Variants in UBE3D observed in about 807,000 individuals in gnomAD.
The protein encoded by UBE3D is E3 ubiquitin-protein ligase E3D.
UBE3D carries 48 observed loss-of-function variants against 49.6 expected under a neutral mutation model. That is an observed-to-expected ratio of 0.97 (90% CI 0.77 to 1.23). The LOEUF (loss-of-function observed/expected upper bound fraction) is 1.23, where lower values mean the gene tolerates loss of function less well. Ranked by LOEUF, UBE3D falls within the 50% of genes most tolerant of loss-of-function variation. UBE3D has a pLI of 0.00. For missense variants in UBE3D, 452 were observed against 468.4 expected, an observed-to-expected ratio of 0.96 and a Z score of 0.32; for synonymous variants, 189 against 174.2, an observed-to-expected ratio of 1.08 and a Z score of -0.67.
intron 2 of UBE3D, among the ~76,000 whole-genome samples, chr6:83,057,237 T>C (rs1783871982): frequency 6.6e-6 from 1 of 152,202 alleles, no homozygotes; most frequent in Admixed American, 6.5e-5. Flanking sequence ...TCACTGATCA[T>C]CCTTCAGCCA....
intron 9 of UBE3D, among the ~76,000 whole-genome samples, chr6:82,931,150 C>T (rs186065153): frequency 3.3e-5 from 5 of 152,356 alleles, no homozygotes; most frequent in Admixed American, 2.0e-4. Context: ...GTGGCTTACA[C>T]ATGGTGTTAG....
At chr6:83,035,558 T>C (rs1360927499) in intron 5 of UBE3D, among the ~76,000 whole-genome samples, 1 of 151,298 alleles carries the variant, frequency 6.6e-6, no homozygotes, top group African/African-American at 2.4e-5. Context: ...CTTTCAGCTC[T>C]GCTGTTAAGA....
chr6:82,908,285 C>T (rs888376932), intron 9 of UBE3D, among the ~76,000 whole-genome samples: 1 of 152,092 alleles, frequency 6.6e-6, no homozygotes, highest in Non-Finnish European at 1.5e-5. Context: ...ATTAGTGGTT[C>T]TCAACCAGGG....
At chr6:82,974,521 G>A (rs1248073350) in intron 8 of UBE3D, among the ~76,000 whole-genome samples, 1 of 152,030 alleles carries the variant, frequency 6.6e-6, no homozygotes, top group Non-Finnish European at 1.5e-5. Flanking sequence ...TTGTTACACT[G>A]TATTTTTAAA....
chr6:83,003,413 T>A (rs764977512), intron 8 of UBE3D, among the ~76,000 whole-genome samples: 2 of 152,226 alleles, frequency 1.3e-5, no homozygotes, highest in African/African-American at 4.8e-5. Flanking sequence ...CTGACTTTTA[T>A]TATACGTCTT....
At chr6:82,908,267 G>C (rs2127723427) in intron 9 of UBE3D, among the ~76,000 whole-genome samples, 1 of 152,252 alleles carries the variant, frequency 6.6e-6, no homozygotes, top group Non-Finnish European at 1.5e-5. Context: ...ATGGTTACAT[G>C]GGTGTGTATT....
chr6:82,917,925 C>G (rs1562081655), intron 9 of UBE3D, among the ~76,000 whole-genome samples: 1 of 152,174 alleles, frequency 6.6e-6, no homozygotes, highest in Non-Finnish European at 1.5e-5. Flanking sequence ...TAGCTGTTTT[C>G]CAGCCGGACC....
At chr6:82,991,987 C>T (rs1019193597) in intron 8 of UBE3D, among the ~76,000 whole-genome samples, 5 of 149,162 alleles carry the variant, frequency 3.4e-5, no homozygotes, top group African/African-American at 1.2e-4. Context: ...TTAAGATCTT[C>T]ATGTAAAACA....
chr6:82,976,524 C>T (rs12196697), intron 8 of UBE3D, among the ~76,000 whole-genome samples: 15,264 of 152,126 alleles, frequency 0.1, 875 homozygotes, highest in Non-Finnish European at 0.13. Context: ...CATCTCCCAA[C>T]CTGTTTAAGT....
chr6:82,952,679 C>G (rs574096316), intron 9 of UBE3D, among the ~76,000 whole-genome samples: 1 of 152,146 alleles, frequency 6.6e-6, no homozygotes, highest in South Asian at 2.1e-4. Context: ...CTGCTTCAGC[C>G]CCCAAAGTGC....
At chr6:82,943,264 T>A (rs890772768) in intron 9 of UBE3D, among the ~76,000 whole-genome samples, 36 of 152,204 alleles carry the variant, frequency 2.4e-4, no homozygotes, top group Admixed American at 2.2e-3. Context: ...TGCTTTTTTT[T>A]AGAATACCCT....
intron 9 of UBE3D, among the ~76,000 whole-genome samples, chr6:82,944,543 T>C (rs1263795206): frequency 6.6e-6 from 1 of 152,210 alleles, no homozygotes; most frequent in East Asian, 1.9e-4. Flanking sequence ...GAAGCTGTGA[T>C]GGCTATGGTG....
chr6:83,047,564 A>C (rs1014664714), intron 3 of UBE3D, among the ~76,000 whole-genome samples: 2 of 152,182 alleles, frequency 1.3e-5, no homozygotes, highest in African/African-American at 4.8e-5. Flanking sequence ...TTGTGCAAAC[A>C]TGCAGAGCCC....
At chr6:83,007,544 C>T (rs1780060977) in intron 8 of UBE3D, among the ~76,000 whole-genome samples, 1 of 152,220 alleles carries the variant, frequency 6.6e-6, no homozygotes, top group Non-Finnish European at 1.5e-5. Context: ...AACAAATCTA[C>T]TCTTCATATT....
chr6:83,033,954 G>A (rs911236081), intron 5 of UBE3D, among the ~76,000 whole-genome samples: 1 of 152,134 alleles, frequency 6.6e-6, no homozygotes, highest in East Asian at 1.9e-4. Flanking sequence ...GACAAGGTCC[G>A]TCTGCCTCCC....
intron 8 of UBE3D, among the ~76,000 whole-genome samples, chr6:82,984,341 C>T (rs1216093004): frequency 6.6e-6 from 1 of 152,138 alleles, no homozygotes; most frequent in South Asian, 2.1e-4. Context: ...CTCATTCATT[C>T]ATTTTACAAA....
intron 1 of UBE3D, among the ~76,000 whole-genome samples, chr6:83,063,580 T>C (rs1327504983): frequency 6.6e-6 from 1 of 151,870 alleles, no homozygotes; most frequent in Admixed American, 6.6e-5. Flanking sequence ...CAAAAAAAAT[T>C]AGAAGATACT....
At chr6:82,964,622 A>G (rs1204505518) in intron 8 of UBE3D, among the ~76,000 whole-genome samples, 2 of 152,222 alleles carry the variant, frequency 1.3e-5, no homozygotes, top group African/African-American at 4.8e-5. Context: ...AAGCTACGCC[A>G]ATGATATGTC....
At chr6:83,022,782 C>A (rs1176907984) in intron 6 of UBE3D, among the ~76,000 whole-genome samples, 1 of 152,176 alleles carries the variant, frequency 6.6e-6, no homozygotes, top group Non-Finnish European at 1.5e-5. Flanking sequence ...ATTCTCCAAT[C>A]CTTGATACAC....
Sources: allele counts gnomAD v4.1 joint callset (sites outside exome capture counted in the v4.1 genomes callset), GRCh38; gene constraint gnomAD v4.1.1; transcripts MANE v1.5; gene names NCBI Gene and HGNC (gene_info 2026-07-23, HGNC 2026-07-21).